Variants in TET3 observed in about 807,000 individuals in gnomAD.
TET3 encodes tet methylcytosine dioxygenase 3, also known as methylcytosine dioxygenase TET3.
A neutral mutation model predicts 141.4 loss-of-function variants in TET3; 19 were observed. The ratio of observed to expected loss-of-function variants is 0.13; its 90% CI spans 0.09 to 0.20. TET3 has a LOEUF of 0.20. Among genes scored for constraint, TET3 ranks in the 10% least tolerant of loss-of-function variants. The probability of loss-of-function intolerance (pLI) is 1.00; values close to 1 mark genes in which losing one functional copy is unlikely to be tolerated. For missense variants in TET3, 1,874 were observed against 2,356.9 expected (o/e 0.80, Z 4.24); for synonymous variants, 1,043 against 980.9 (o/e 1.06, Z -1.18).
chr2:74,004,830 G>A (rs541290002), intron 3 of TET3, among the ~76,000 whole-genome samples: 2 of 152,280 alleles, frequency 1.3e-5, no homozygotes, highest in South Asian at 2.1e-4. Context: ...CTCGCCTCCC[G>A]CTGCTGGCTG....
chr2:74,073,214 G>A lies in TET3; in HGVS notation c.2495-335G>A, dbSNP rs79323353. On this transcript the variant is annotated intron_variant, in intron 4 of 11. Coordinates refer to ENST00000409262, the MANE Select transcript of TET3 (RefSeq NM_001287491.2). The stretch of plus-strand genomic sequence containing the variant: ...TGGTCTTGAGTGTGTATCTAGAAAT[G>A]GAATTACTGGGTCAGGCAGGATGCA... Among the ~76,000 whole-genome samples, 789 of 152,290 alleles carry A rather than the reference G, an allele frequency of 5.2e-3. 3 individuals are homozygous for A. The highest frequency in any genetic ancestry group is 0.01 in the Middle Eastern group (3 of 294).
chr2:74,092,610 T>A (rs1351657393), intron 8 of TET3, among the ~76,000 whole-genome samples: 1 of 152,142 alleles, frequency 6.6e-6, no homozygotes, highest in African/African-American at 2.4e-5. Flanking sequence ...AAGAAACGTT[T>A]GATATGTTCT....
intron 10 of TET3, among the ~76,000 whole-genome samples, chr2:74,097,497 T>A (rs139453906): frequency 1.3e-5 from 2 of 152,182 alleles, no homozygotes; most frequent in East Asian, 3.9e-4. Context: ...CAGACCTGGA[T>A]AATTGTCAGG....
chr2:74,063,543 A>G (rs942349678), intron 4 of TET3, among the ~76,000 whole-genome samples: 1 of 152,210 alleles, frequency 6.6e-6, no homozygotes, highest in Non-Finnish European at 1.5e-5. Flanking sequence ...AAGATGCTCA[A>G]TAATTCAGTC....
downstream of TET3, among the ~76,000 whole-genome samples, chr2:74,110,884 G>A (rs1403363143): frequency 6.6e-6 from 1 of 152,002 alleles, no homozygotes; most frequent in Admixed American, 6.5e-5. Context: ...TCCCCATCAC[G>A]TGCTCTCAGG....
the TET3 span, among the ~76,000 whole-genome samples, chr2:74,114,024 G>A: frequency 6.6e-6 from 1 of 152,244 alleles, no homozygotes; most frequent in East Asian, 1.9e-4. Flanking sequence ...GAACAAATCT[G>A]GAGGTATCAC....
At chr2:74,124,109 C>T in the TET3 span, among the ~76,000 whole-genome samples, 5 of 151,396 alleles carry the variant, frequency 3.3e-5, no homozygotes, top group Non-Finnish European at 5.9e-5. Flanking sequence ...CCAGCAGCTG[C>T]CCGGTCCAGG....
At chr2:74,032,485 G>GCGCGCGCGCGCGCGCGCGA (rs1558730097) in intron 3 of TET3, among the ~76,000 whole-genome samples, 2 of 150,294 alleles carry the variant, frequency 1.3e-5, no homozygotes, top group African/African-American at 4.9e-5. Flanking sequence ...GTGTGTGTGT[G>GCGCGCGCGCGCGCGCGCGA]TGTGTGTGTG....
chr2:74,093,742 G>A lies in TET3; in HGVS notation c.3267+76G>A, dbSNP rs1690645284. The A allele has an allele frequency of 1.4e-6, 2 of 1,443,626 alleles. No individual in the cohort carries two copies. Among genetic ancestry groups the A allele is most frequent in the Non-Finnish European group, 1.8e-6 (2 of 1,089,150 alleles). The allele number at this position is 1,443,626 out of a possible 1,614,324, so 89.4% of individuals were successfully genotyped here. On this transcript the variant is annotated intron_variant, in intron 10 of 11. Transcript: ENST00000409262. The surrounding 1 kb of genome is among the most constrained non-coding windows in gnomAD (Gnocchi z 4.2). ...AGTCCACCGTGGTCTTTTCAGAAAGGCAGGCTGAGGGTAGGGAGGGACCTG... is the reference window on the plus strand; with the variant it reads ...AGTCCACCGTGGTCTTTTCAGAAAGACAGGCTGAGGGTAGGGAGGGACCTG...
intron 2 of TET3, among the ~76,000 whole-genome samples, chr2:74,002,374 C>A (rs1027425315): frequency 6.6e-6 from 1 of 151,522 alleles, no homozygotes; most frequent in Admixed American, 6.6e-5. Context: ...CCCCCCCACC[C>A]CCCCGGCGTC....
chr2:74,041,837 C>T (rs1366344319), intron 3 of TET3, among the ~76,000 whole-genome samples: 1 of 152,182 alleles, frequency 6.6e-6, no homozygotes, highest in East Asian at 1.9e-4. Context: ...CTATTATGTG[C>T]TTCTTCCATC....
At chr2:74,056,445 C>A (rs934862035) in intron 4 of TET3, among the ~76,000 whole-genome samples, 6 of 152,112 alleles carry the variant, frequency 3.9e-5, no homozygotes, top group African/African-American at 1.4e-4. Flanking sequence ...TTAAGAAAAA[C>A]ACTTAAAGCT....
downstream of TET3, among the ~76,000 whole-genome samples, chr2:74,113,031 A>AC: frequency 6.7e-6 from 1 of 150,142 alleles, no homozygotes; most frequent in Non-Finnish European, 1.5e-5. Context: ...AAAAAAAAAA[A>AC]AAAACCCACA....
chr2:74,066,215 T>G (rs1244932146), intron 4 of TET3, among the ~76,000 whole-genome samples: 4 of 152,198 alleles, frequency 2.6e-5, no homozygotes, highest in Non-Finnish European at 5.9e-5. Flanking sequence ...GTACAGAGGT[T>G]TTACTTCTTT....
the TET3 span, among the ~76,000 whole-genome samples, chr2:74,115,298 AT>A: frequency 1.3e-5 from 2 of 152,212 alleles, no homozygotes; most frequent in African/African-American, 2.4e-5. Flanking sequence ...TGGGCAAATG[AT>A]TATCCTAAGT....
At chr2:74,031,062 G>A (rs1343936437) in intron 3 of TET3, among the ~76,000 whole-genome samples, 1 of 152,124 alleles carries the variant, frequency 6.6e-6, no homozygotes, top group Non-Finnish European at 1.5e-5. Context: ...CATTCAAGTG[G>A]AAGTGTGTCT....
intron 4 of TET3, among the ~76,000 whole-genome samples, chr2:74,064,780 C>T (rs1395966972): frequency 2.0e-5 from 3 of 151,978 alleles, no homozygotes; most frequent in African/African-American, 7.2e-5. Context: ...AATGCATAGC[C>T]TAGAAATATT....
chr2:73,987,082 G>A (rs566787411), intron 2 of TET3, among the ~76,000 whole-genome samples: 14 of 152,216 alleles, frequency 9.2e-5, no homozygotes, highest in Non-Finnish European at 1.8e-4. Context: ...AGAGATGGAG[G>A]CTGATGGATT....
At chr2:74,053,679 A>G (rs562344599) in intron 4 of TET3, among the ~76,000 whole-genome samples, 1 of 152,324 alleles carries the variant, frequency 6.6e-6, no homozygotes, top group African/African-American at 2.4e-5. Flanking sequence ...AGTCTGGGTG[A>G]GGGAGTGGCA....
Sources: gnomAD v4.1 joint callset for allele counts (sites outside exome capture counted in the v4.1 genomes callset) on GRCh38, gnomAD v4.1.1 for gene constraint, Gnocchi (gnomAD v3.1) non-coding constraint, MANE v1.5 for transcripts, NCBI Gene and HGNC (gene_info 2026-07-23, HGNC 2026-07-21) for gene names.